The following MEX3C variants were observed in gnomAD, a reference collection of about 807,000 sequenced individuals.
MEX3C encodes RNA-binding E3 ubiquitin-protein ligase MEX3C.
MEX3C carries 15 observed loss-of-function variants against 35.5 expected under a neutral mutation model. The ratio of observed to expected loss-of-function variants is 0.42; its 90% CI spans 0.28 to 0.65. The LOEUF is 0.65. MEX3C is among the 30% of genes least tolerant of loss of function. MEX3C has a pLI of 0.20. For missense variants in MEX3C, 711 were observed against 842.8 expected, an observed-to-expected ratio of 0.84 and a Z score of 1.94; for synonymous variants, 390 against 352.8, an observed-to-expected ratio of 1.11 and a Z score of -1.18.
At chr18:51,181,555 A>G (rs1912432467) in intron 1 of MEX3C, among the ~76,000 whole-genome samples, 1 of 152,234 alleles carries the variant, frequency 6.6e-6, no homozygotes. Flanking sequence ...CTGTGAGAGT[A>G]TAAACTGCCC....
At chr18:51,182,937 G>A (rs1912461388) in intron 1 of MEX3C, among the ~76,000 whole-genome samples, 1 of 152,128 alleles carries the variant, frequency 6.6e-6, no homozygotes, top group Non-Finnish European at 1.5e-5. Flanking sequence ...AAAACCACTA[G>A]ACAACATCAC....
At chr18:51,189,230 A>G (rs1003541402) in intron 1 of MEX3C, among the ~76,000 whole-genome samples, 2 of 152,214 alleles carry the variant, frequency 1.3e-5, no homozygotes, top group Non-Finnish European at 2.9e-5. Flanking sequence ...CAAAATTGAG[A>G]AGATTTTGCA....
At chr18:51,196,477 T>C (rs939411456) in intron 1 of MEX3C, 90 bp downstream of exon 1, 20 of 1,485,308 alleles carry the variant, frequency 1.3e-5, no homozygotes, top group Non-Finnish European at 1.5e-5. Flanking sequence ...CCTCGCCGGG[T>C]TCGCCTTTTC....
At position 51,177,824 on chromosome 18, in the gene MEX3C, C is replaced by T. The variant is rs1912337256; in HGVS notation, c.755-248G>A. Among the ~76,000 whole-genome samples the T allele has an allele frequency of 6.6e-6, 1 of 152,140 alleles. No individual in the cohort carries two copies. Among genetic ancestry groups the T allele is most frequent in the Non-Finnish European group, 1.5e-5 (1 of 68,034 alleles). On this transcript the variant is annotated intron_variant, in intron 1 of 1. Coordinates refer to ENST00000406189, the MANE Select transcript of MEX3C (RefSeq NM_016626.5). This position sits in a 1 kb window ranked among gnomAD's most constrained non-coding sequence, Gnocchi z 4.2. The stretch of plus-strand genomic sequence containing the variant: ...CAGAAGTTATTAAACTGACTTCCAC[C>T]TAATTATCTTACCACTTTAACTTAA...
chr18:51,181,803 A>T lies in MEX3C; in HGVS notation c.755-4227T>A, dbSNP rs975864358. 1.2e-4 allele frequency among the ~76,000 whole-genome samples: 18 copies of T among 152,154 alleles called. No homozygotes were observed. In the East Asian group the frequency reaches 1.7e-3, roughly 15 times the overall value. ...CAGTTTTCACTGTATATTCTTATTTATTTTTTTTAATAAATTTTGAGTCAT... is the reference window on the plus strand; with the variant it reads ...CAGTTTTCACTGTATATTCTTATTTTTTTTTTTTAATAAATTTTGAGTCAT... On this transcript the variant is annotated intron_variant, in intron 1 of 1. Coordinates refer to ENST00000406189, the MANE Select transcript of MEX3C (RefSeq NM_016626.5).
In MEX3C at chr18:51,176,512, C is replaced by T. The variant is rs1364276121; in HGVS notation, c.1819G>A (p.Asp607Asn). The change falls in exon 2 of 2, where the codon GAC (aspartate) becomes AAC (asparagine). Residue 607 changes from aspartate (D) to asparagine (N), a missense_variant. This residue lies in a region of MEX3C where 87 missense variants were observed against 150.4 expected (regional missense o/e 0.58). Transcript: ENST00000406189. ...SSPPESRRKH[D>N]CVICFENEVI... ...TCATTCTCAAAGCAAATCACACAGT[C>T]GTGCTTTCGTCTTGATTCTGGAGGT... 3.1e-6 allele frequency: 5 copies of T among 1,613,824 alleles called. No individual in the cohort carries two copies. The highest frequency in any genetic ancestry group is 1.3e-5 in the African/African-American group (1 of 74,912).
chr18:51,183,482 G>A (rs939275246), intron 1 of MEX3C, among the ~76,000 whole-genome samples: 2 of 152,228 alleles, frequency 1.3e-5, no homozygotes, highest in Admixed American at 1.3e-4. Flanking sequence ...ATAGTAGACA[G>A]TATGATAGGC....
At chr18:51,189,679 T>C (rs886311736) in intron 1 of MEX3C, among the ~76,000 whole-genome samples, 1 of 152,046 alleles carries the variant, frequency 6.6e-6, no homozygotes, top group African/African-American at 2.4e-5. Flanking sequence ...AGGCAGAAGT[T>C]TTCCTAACTG....
chr18:51,182,228 T>C (rs1912447875), intron 1 of MEX3C, among the ~76,000 whole-genome samples: 2 of 152,166 alleles, frequency 1.3e-5, no homozygotes, highest in Non-Finnish European at 2.9e-5. Context: ...TATGTATATA[T>C]AGGGTTTGGT....
chr18:51,180,907 A>G (rs1912414041), intron 1 of MEX3C, among the ~76,000 whole-genome samples: 1 of 152,166 alleles, frequency 6.6e-6, no homozygotes, highest in Non-Finnish European at 1.5e-5. Flanking sequence ...CAATCATACC[A>G]CTGTTTCTGT....
Position 51,197,584 on chromosome 18 carries a change from G to A in MEX3C, c.-264C>T, listed in dbSNP as rs1275831080. 6.6e-6 allele frequency among the ~76,000 whole-genome samples: 1 copy of A among 151,422 alleles called. No homozygotes were observed. Among genetic ancestry groups the A allele is most frequent in the Non-Finnish European group, 1.5e-5 (1 of 67,744 alleles). ...GCGGCGGGGCGGGCTGGTGGAGGTGGCAGCGGCTCCCCTCTCAGTGTTTCT... is the reference window on the plus strand; with the variant it reads ...GCGGCGGGGCGGGCTGGTGGAGGTGACAGCGGCTCCCCTCTCAGTGTTTCT... On this transcript the variant is annotated 5_prime_UTR_variant, in exon 1 of 2. Transcript: ENST00000406189.
intron 1 of MEX3C, among the ~76,000 whole-genome samples, chr18:51,186,808 C>G (rs773287582): frequency 3.9e-5 from 6 of 152,146 alleles, no homozygotes; most frequent in Non-Finnish European, 8.8e-5. Flanking sequence ...CAAAAAGGAA[C>G]TTGTTTTCTA....
intron 1 of MEX3C, among the ~76,000 whole-genome samples, chr18:51,178,860 CAA>C (rs200287690): frequency 9.0e-6 from 1 of 111,484 alleles, no homozygotes. Flanking sequence ...AACTCCATCT[CAA>C]AAAAAAAAAA....
Position 51,176,519 on chromosome 18 carries a change from T to C in MEX3C, c.1812A>G (p.Arg604=), listed in dbSNP as rs781277794. Residue 604 remains arginine (R), a synonymous_variant, in exon 2 of 2, where the codon CGA becomes CGG. Coordinates refer to ENST00000406189, the MANE Select transcript of MEX3C (RefSeq NM_016626.5). ...STSSSPPESR[R]KHDCVICFEN... ...CAAAGCAAATCACACAGTCGTGCTT[T>C]CGTCTTGATTCTGGAGGTGAGCTAG... 6.2e-7 allele frequency: 1 copy of C among 1,614,036 alleles called. No individual in the cohort carries two copies. Among genetic ancestry groups the C allele is most frequent in the South Asian group, 1.1e-5 (1 of 91,084 alleles).
intron 1 of MEX3C, 123 bp downstream of exon 1, chr18:51,196,444 C>T (rs574728397): frequency 2.1e-6 from 3 of 1,460,978 alleles, no homozygotes; most frequent in Admixed American, 4.9e-5. Flanking sequence ...TCCTCCCAGA[C>T]CCCTTCGCGG....
chr18:51,196,698 C>G lies in MEX3C; in HGVS notation c.623G>C (p.Gly208Ala). ...GGCGGCCGCCGCCGCCCCACAACCG[C>G]CGGGGCCGTAGGCGTGGGACAGCAT... Reference protein sequence around the residue: ...AAMLSHAYGPGGCGAAAAALN... With the variant: ...AAMLSHAYGPAGCGAAAAALN... The change falls in exon 1 of 2, where the codon GGC becomes GCC. Residue 208 changes from glycine to alanine, a missense_variant. By Grantham distance (60) the Gly-to-Ala change is moderately conservative (BLOSUM62 0). Around this residue, in one of 4 missense-constraint regions of MEX3C, gnomAD observed 354 missense variants for 311.6 expected, o/e 1.14. Transcript: ENST00000406189. 6.5e-7 allele frequency: 1 copy of G among 1,541,618 alleles called. No individual in the cohort carries two copies. Among genetic ancestry groups the G allele is most frequent in the Non-Finnish European group, 8.7e-7 (1 of 1,148,844 alleles).
rs1243065922 is a variant in MEX3C at position 51,176,314 on chromosome 18, C to A, written c.*37G>T. The A allele has an allele frequency of 1.3e-6, 2 of 1,526,564 alleles. No individual in the cohort carries two copies. The highest frequency in any genetic ancestry group is 2.6e-5 in the South Asian group (2 of 78,108). 94.6% of individuals were successfully genotyped at this position (1,526,564 alleles called of 1,614,324 possible). A position where few individuals can be genotyped will look rare whatever the true frequency, so the allele number is the denominator to read the frequency against. On this transcript the variant is annotated 3_prime_UTR_variant, in exon 2 of 2. Coordinates refer to ENST00000406189, the MANE Select transcript of MEX3C (RefSeq NM_016626.5). Reference sequence around the variant, plus strand: ...CCATTATACCCATGCCTTTACGAGTCCATATAGAGATATAGTATTTATGTA... The same window carrying A: ...CCATTATACCCATGCCTTTACGAGTACATATAGAGATATAGTATTTATGTA...
At chr18:51,190,658 T>C (rs1555693985) in intron 1 of MEX3C, among the ~76,000 whole-genome samples, 1 of 151,254 alleles carries the variant, frequency 6.6e-6, no homozygotes, top group Non-Finnish European at 1.5e-5. Context: ...AACACTGGCA[T>C]GGAAGAGGTC....
intron 1 of MEX3C, among the ~76,000 whole-genome samples, chr18:51,191,384 T>A (rs1227166425): frequency 6.6e-6 from 1 of 152,182 alleles, no homozygotes; most frequent in Non-Finnish European, 1.5e-5. Context: ...ACACTGGAGA[T>A]GGTGGCTGCT....
Sources: allele counts gnomAD v4.1 joint callset (sites outside exome capture counted in the v4.1 genomes callset), GRCh38; gene constraint gnomAD v4.1.1; regional missense constraint gnomAD v4.1.1; non-coding constraint Gnocchi (gnomAD v3.1); transcripts MANE v1.5; gene names NCBI Gene and HGNC (gene_info 2026-07-23, HGNC 2026-07-21).